Variants in PCTP observed in about 807,000 individuals in gnomAD.
PCTP encodes the protein START domain-containing protein 2.
Under a neutral mutation model 31.0 loss-of-function variants are expected in PCTP, and 27 were observed. That is an observed-to-expected ratio of 0.87 (90% confidence interval 0.64 to 1.20). PCTP has a LOEUF of 1.20. Among genes scored for constraint, PCTP ranks in the 50% most tolerant of loss-of-function variants. The pLI, the probability that PCTP is intolerant of heterozygous loss-of-function variation, is 0.00. For synonymous variants in PCTP, 108 were observed against 101.2 expected (o/e 1.07, Z -0.40); for missense variants, 287 against 268.2 (o/e 1.07, Z -0.49).
At chr17:55,833,475 A>C (rs1382417588) in intron 5 of PCTP, among the ~76,000 whole-genome samples, 1 of 152,194 alleles carries the variant, frequency 6.6e-6, no homozygotes, top group African/African-American at 2.4e-5. Context: ...CTCCCACACA[A>C]AGAAAAGTTT....
intron 3 of PCTP, among the ~76,000 whole-genome samples, chr17:55,821,644 G>A (rs1207078575): frequency 3.3e-5 from 5 of 152,100 alleles, no homozygotes; most frequent in Admixed American, 3.3e-4. Flanking sequence ...TAATAAATAT[G>A]CCAGGAAACT....
chr17:55,844,253 TAGAA>T (rs763646846), downstream of PCTP, among the ~76,000 whole-genome samples: 8 of 152,206 alleles, frequency 5.3e-5, no homozygotes, highest in Non-Finnish European at 7.3e-5. Flanking sequence ...GTGTGCAAAT[TAGAA>T]AGCAGGTGGA....
At chr17:55,814,571 G>C (rs1912856219) in intron 3 of PCTP, among the ~76,000 whole-genome samples, 1 of 152,228 alleles carries the variant, frequency 6.6e-6, no homozygotes, top group Non-Finnish European at 1.5e-5. Context: ...GCAGGAAATA[G>C]GTCTGTGTCG....
At chr17:55,800,422 A>C (rs1184081528) in intron 3 of PCTP, among the ~76,000 whole-genome samples, 1 of 151,874 alleles carries the variant, frequency 6.6e-6, no homozygotes, top group Admixed American at 6.6e-5. Context: ...TTTCATCTGC[A>C]TCAGGTCATT....
At chr17:55,817,711 C>T (rs1912969583) in intron 3 of PCTP, among the ~76,000 whole-genome samples, 1 of 152,158 alleles carries the variant, frequency 6.6e-6, no homozygotes, top group Non-Finnish European at 1.5e-5. Context: ...GCTTGCACTC[C>T]TTGGTTTAGA....
In PCTP at chr17:55,771,170, C is replaced by G. The variant is rs766036100; in HGVS notation, c.324C>G (p.Pro108=). The G allele has an allele frequency of 6.2e-7, 1 of 1,609,768 alleles. No homozygotes were observed. The highest frequency in any genetic ancestry group is 2.2e-5 in the East Asian group (1 of 44,874). The change falls in exon 3 of 6, where the codon CCC becomes CCG. Residue 108 remains proline (P), a synonymous_variant. Coordinates refer to ENST00000268896, the MANE Select transcript of PCTP (RefSeq NM_021213.4). ...VVYWEVKYPF[P]MSNRDYVYLR... Reference sequence around the variant, plus strand: ...ACTGGGAAGTGAAGTACCCTTTTCCCATGTCCAACAGAGACGTATCCTTTC... The same window carrying G: ...ACTGGGAAGTGAAGTACCCTTTTCCGATGTCCAACAGAGACGTATCCTTTC...
chr17:55,837,916 C>T (rs1293019559), intron 5 of PCTP, among the ~76,000 whole-genome samples: 8 of 152,066 alleles, frequency 5.3e-5, no homozygotes, highest in African/African-American at 1.2e-4. Context: ...CTGGGAGAAT[C>T]GCTTGAGGCC....
At chr17:55,820,644 A>G (rs1317461846) in intron 3 of PCTP, among the ~76,000 whole-genome samples, 2 of 152,266 alleles carry the variant, frequency 1.3e-5, no homozygotes, top group African/African-American at 4.8e-5. Context: ...TTCAGGCTAC[A>G]GCAGGGCTTG....
At chr17:55,843,047 T>C (rs1438043828), downstream of PCTP, among the ~76,000 whole-genome samples, 1 of 152,120 alleles carries the variant, frequency 6.6e-6, no homozygotes, top group Non-Finnish European at 1.5e-5. Context: ...TGTAAACACA[T>C]TAAAAATCAA....
chr17:55,794,220 A>G (rs1912105914), intron 3 of PCTP, among the ~76,000 whole-genome samples: 1 of 152,012 alleles, frequency 6.6e-6, no homozygotes, highest in South Asian at 2.1e-4. Flanking sequence ...CCAAGACATA[A>G]CCATCATAAA....
At chr17:55,757,920 C>G (rs1436818608) in intron 1 of PCTP, among the ~76,000 whole-genome samples, 3 of 152,160 alleles carry the variant, frequency 2.0e-5, no homozygotes, top group Non-Finnish European at 4.4e-5. Context: ...TTAGGGCTCC[C>G]TCTCCCTGAT....
downstream of PCTP, among the ~76,000 whole-genome samples, chr17:55,778,843 A>G (rs1287572070): frequency 2.6e-5 from 4 of 152,142 alleles, no homozygotes; most frequent in Non-Finnish European, 4.4e-5. Flanking sequence ...TCCACAGGCA[A>G]ATTATTCACA....
intron 2 of PCTP, among the ~76,000 whole-genome samples, chr17:55,783,546 T>C (rs894312277): frequency 3.9e-5 from 6 of 152,202 alleles, no homozygotes; most frequent in Non-Finnish European, 8.8e-5. Context: ...TAGAACTCCA[T>C]GCAGGGCATA....
At chr17:55,831,864 G>A (rs116923064) in intron 5 of PCTP, among the ~76,000 whole-genome samples, 4,122 of 152,124 alleles carry the variant, frequency 0.027, 74 homozygotes, top group Non-Finnish European at 0.041. Flanking sequence ...GGCAGATCTC[G>A]AGGTCAGGAT....
At chr17:55,808,349 T>TA (rs1216225588) in intron 3 of PCTP, among the ~76,000 whole-genome samples, 1 of 152,256 alleles carries the variant, frequency 6.6e-6, no homozygotes, top group Non-Finnish European at 1.5e-5. Context: ...CTCTACCACT[T>TA]ATCAGCCATC....
At chr17:55,794,328 AC>A (rs1912110681) in intron 3 of PCTP, among the ~76,000 whole-genome samples, 1 of 151,894 alleles carries the variant, frequency 6.6e-6, no homozygotes, top group East Asian at 1.9e-4. Flanking sequence ...AGTCAGTATA[AC>A]TTGGACAACC....
rs1415190753 is a variant in PCTP, at chr17:55,776,045, C to G, written c.590C>G (p.Pro197Arg). 6.2e-7 allele frequency: 1 copy of G among 1,613,878 alleles called. No homozygotes were observed. Among genetic ancestry groups the G allele is most frequent in the Non-Finnish European group, 8.5e-7 (1 of 1,179,912 alleles). Residue 197 changes from proline (P) to arginine (R), a missense_variant, in exon 6 of 6, where the codon CCT becomes CGT. Pro to Arg is a moderately radical substitution (Grantham distance 103, BLOSUM62 -2). Transcript: ENST00000268896. ...LINWAAKNGV[P>R]NFLKDMARAC... is the part of the protein sequence containing the mutation. Reference sequence around the variant, plus strand: ...TCATTTCCTTTGCAGAATGGAGTTCCTAACTTCTTGAAAGACATGGCAAGA... The same window carrying G: ...TCATTTCCTTTGCAGAATGGAGTTCGTAACTTCTTGAAAGACATGGCAAGA...
At chr17:55,788,356 G>A (rs1266923121) in intron 3 of PCTP, among the ~76,000 whole-genome samples, 1 of 152,022 alleles carries the variant, frequency 6.6e-6, no homozygotes, top group Non-Finnish European at 1.5e-5. Context: ...TTCCTTCTAT[G>A]GAACACCTTC....
rs138117734 is a variant in PCTP at position 55,787,161 on chromosome 17, G to T, written c.229-405G>T. Among the ~76,000 whole-genome samples, 284 of 151,314 alleles carry T rather than the reference G, an allele frequency of 1.9e-3. 1 individual carries two copies. Among genetic ancestry groups the T allele is most frequent in the African/African-American group, 6.7e-3 (275 of 41,244 alleles). ...ATTGTTTTTCTCATCTTTAAGAGCT[G>T]CACTTTCCACCAATGTCCTAAGCTA... On this transcript the variant is annotated intron_variant, in intron 2 of 3. Transcript: ENST00000572536.
Sources: gnomAD v4.1 joint callset for allele counts (sites outside exome capture counted in the v4.1 genomes callset) on GRCh38, gnomAD v4.1.1 for gene constraint, MANE v1.5 for transcripts, NCBI Gene and HGNC (gene_info 2026-07-23, HGNC 2026-07-21) for gene names.